The following NCAM2 variants were observed in gnomAD, a reference collection of about 807,000 sequenced individuals.
NCAM2 encodes neural cell adhesion molecule 2.
NCAM2 carries 30 observed loss-of-function variants against 98.1 expected under a neutral mutation model. That is an observed-to-expected ratio of 0.31 (90% CI 0.23 to 0.41). The LOEUF is 0.41. NCAM2 is among the 10% of genes least tolerant of loss of function. The pLI is 1.00. For missense variants in NCAM2, 867 were observed against 1,005.8 expected (o/e 0.86, Z 1.87); for synonymous variants, 368 against 342.4 (o/e 1.07, Z -0.83).
intron 1 of NCAM2, among the ~76,000 whole-genome samples, chr21:21,261,911 G>A (rs899222492): frequency 2.6e-5 from 4 of 151,976 alleles, no homozygotes; most frequent in African/African-American, 9.7e-5. Context: ...AAGAATTAAT[G>A]AAATAAAAAG....
At chr21:21,536,839 G>A (rs994720788) in intron 17 of NCAM2, among the ~76,000 whole-genome samples, 4 of 152,244 alleles carry the variant, frequency 2.6e-5, no homozygotes, top group South Asian at 2.1e-4. Context: ...CATTGGCATC[G>A]AAGTAGGGTT....
At chr21:21,502,230 T>C (rs187434968) in intron 15 of NCAM2, among the ~76,000 whole-genome samples, 1 of 152,100 alleles carries the variant, frequency 6.6e-6, no homozygotes, top group African/African-American at 2.4e-5. Flanking sequence ...GGATAATTTC[T>C]AAAAATATTT....
chr21:21,028,939 T>A (rs1186924443), intron 1 of NCAM2, among the ~76,000 whole-genome samples: 1 of 152,204 alleles, frequency 6.6e-6, no homozygotes, highest in African/African-American at 2.4e-5. Context: ...TAAGTCTGAG[T>A]ATATAAATTT....
intron 5 of NCAM2, among the ~76,000 whole-genome samples, chr21:21,312,701 T>C (rs2074094288): frequency 1.3e-5 from 2 of 151,818 alleles, no homozygotes; most frequent in African/African-American, 2.4e-5. Flanking sequence ...ATATATGACA[T>C]GTTAAATTAT....
At chr21:21,086,569 G>C (rs2146428859) in intron 1 of NCAM2, among the ~76,000 whole-genome samples, 1 of 152,226 alleles carries the variant, frequency 6.6e-6, no homozygotes. Context: ...CATACATAGA[G>C]AGTTGACTTT....
At chr21:21,536,417 G>A (rs963319642) in intron 17 of NCAM2, among the ~76,000 whole-genome samples, 1 of 143,832 alleles carries the variant, frequency 7.0e-6, no homozygotes, top group South Asian at 2.2e-4. Flanking sequence ...TCCGAGACTA[G>A]TTTCGCTCTT....
intron 1 of NCAM2, among the ~76,000 whole-genome samples, chr21:21,134,543 A>G (rs1215064976): frequency 6.6e-6 from 1 of 152,132 alleles, no homozygotes; most frequent in Non-Finnish European, 1.5e-5. Context: ...AGTCCTGGAT[A>G]ATGCTTTCTT....
chr21:21,519,306 T>C (rs2146383571), intron 16 of NCAM2, among the ~76,000 whole-genome samples: 1 of 152,236 alleles, frequency 6.6e-6, no homozygotes, highest in South Asian at 2.1e-4. Flanking sequence ...GGGGAATGAT[T>C]TAAAATCAGG....
chr21:21,101,614 T>TA, intron 1 of NCAM2, among the ~76,000 whole-genome samples: 1 of 152,042 alleles, frequency 6.6e-6, no homozygotes, highest in Non-Finnish European at 1.5e-5. Flanking sequence ...GCCGTACAGA[T>TA]AAAAACAGCA....
chr21:21,493,671 A>G (rs1987005503), intron 15 of NCAM2, among the ~76,000 whole-genome samples: 1 of 151,900 alleles, frequency 6.6e-6, no homozygotes, highest in Non-Finnish European at 1.5e-5. Flanking sequence ...TAATAAATTC[A>G]CTGTCCTAAA....
intron 1 of NCAM2, among the ~76,000 whole-genome samples, chr21:21,193,492 C>CTTTTTTTTTTT (rs768928139): frequency 8.1e-6 from 1 of 123,790 alleles, no homozygotes; most frequent in African/African-American, 3.1e-5. Flanking sequence ...AGTACTTTTC[C>CTTTTTTTTTTT]TTTTTTTTTT....
At chr21:21,190,716 T>C (rs114571660) in intron 1 of NCAM2, among the ~76,000 whole-genome samples, 2,733 of 152,232 alleles carry the variant, frequency 0.018, 78 homozygotes, top group African/African-American at 0.062. Flanking sequence ...AAGTTTTAGC[T>C]CTACTGTTTA....
At chr21:21,173,146 A>G (rs142768302) in intron 1 of NCAM2, among the ~76,000 whole-genome samples, 77 of 152,270 alleles carry the variant, frequency 5.1e-4, no homozygotes, top group Non-Finnish European at 8.8e-4. Context: ...TAGAAAAATT[A>G]TTCCTTTTTT....
intron 5 of NCAM2, among the ~76,000 whole-genome samples, chr21:21,311,019 A>G (rs1356176462): frequency 6.6e-6 from 1 of 152,236 alleles, no homozygotes; most frequent in Non-Finnish European, 1.5e-5. Flanking sequence ...AAAATCAGGT[A>G]GTATCATTTA....
rs551234055 is a variant in NCAM2, at chr21:21,490,988, C to T, written c.2077+13517C>T. ...AAAACTGAGGAAAAGCTTTGTTATA[C>T]GTGTTTTCTTTATTACTGGTACAGC... On this transcript the variant is annotated intron_variant, in intron 15 of 17. Transcript: ENST00000400546. Among the ~76,000 whole-genome samples the T allele has an allele frequency of 3.4e-4, 52 of 151,868 alleles. 1 individual carries two copies. The highest frequency in any genetic ancestry group is 6.8e-3 in the Middle Eastern group (2 of 292).
chr21:21,110,319 C>T (rs533061961), intron 1 of NCAM2, among the ~76,000 whole-genome samples: 28 of 152,182 alleles, frequency 1.8e-4, no homozygotes, highest in Admixed American at 6.5e-4. Flanking sequence ...GGGAAAACCA[C>T]CTAAACAACT....
chr21:21,123,848 C>CTTTTTTTTT (rs71193401), intron 1 of NCAM2, among the ~76,000 whole-genome samples: 1,461 of 86,618 alleles, frequency 0.017, 46 homozygotes, highest in Middle Eastern at 0.026. Context: ...TTCTTGATTG[C>CTTTTTTTTT]TTTTTTTTTT....
chr21:21,023,046 CA>C (rs2064468675), intron 1 of NCAM2, among the ~76,000 whole-genome samples: 1 of 151,994 alleles, frequency 6.6e-6, no homozygotes, highest in Non-Finnish European at 1.5e-5. Flanking sequence ...GACATATATA[CA>C]ACAGTAAGCT....
chr21:21,493,592 T>A (rs114192332), intron 15 of NCAM2, among the ~76,000 whole-genome samples: 219 of 152,036 alleles, frequency 1.4e-3, no homozygotes, highest in African/African-American at 5.2e-3. Context: ...GGTGCATACT[T>A]GGTGTTGTAC....
Sources: allele counts gnomAD v4.1 joint callset (sites outside exome capture counted in the v4.1 genomes callset), GRCh38; gene constraint gnomAD v4.1.1; transcripts MANE v1.5; gene names NCBI Gene and HGNC (gene_info 2026-07-23, HGNC 2026-07-21).